The following CNTNAP4 variants were observed in gnomAD, a reference collection of about 807,000 sequenced individuals.
CNTNAP4 encodes contactin associated protein family member 4.
Under a neutral mutation model 148.4 loss-of-function variants are expected in CNTNAP4, and 98 were observed. That is an observed-to-expected ratio of 0.66 (90% CI 0.56 to 0.78). The LOEUF (loss-of-function observed/expected upper bound fraction) is 0.78, where lower values mean the gene tolerates loss of function less well. CNTNAP4 is among the 30% of genes least tolerant of loss of function. The pLI, the probability that CNTNAP4 is intolerant of heterozygous loss-of-function variation, is 0.00. For synonymous variants in CNTNAP4, 730 were observed against 565.1 expected (o/e 1.29, Z -4.14); for missense variants, 1,935 against 1,565.6 (o/e 1.24, Z -3.98).
At chr16:76,288,077 C>G (rs1958959471) in intron 1 of CNTNAP4, among the ~76,000 whole-genome samples, 1 of 152,004 alleles carries the variant, frequency 6.6e-6, no homozygotes, top group Non-Finnish European at 1.5e-5. Flanking sequence ...AAGGACAGGA[C>G]CAGGTGGAGA....
chr16:76,525,067 T>C (rs530893787), intron 17 of CNTNAP4, among the ~76,000 whole-genome samples: 6 of 152,074 alleles, frequency 3.9e-5, no homozygotes, highest in Non-Finnish European at 8.8e-5. Flanking sequence ...TCCACCAGAG[T>C]GAACTAGTCT....
At chr16:76,534,379 T>C (rs1012566638) in intron 17 of CNTNAP4, among the ~76,000 whole-genome samples, 1 of 152,228 alleles carries the variant, frequency 6.6e-6, no homozygotes, top group South Asian at 2.1e-4. Context: ...AGAGAATTTA[T>C]ATGTAAAGAG....
At chr16:76,553,556 T>C (rs2085060247) in intron 22 of CNTNAP4, 55 bp downstream of exon 22, 1 of 1,307,434 alleles carries the variant, frequency 7.6e-7, no homozygotes, top group East Asian at 2.5e-5. Context: ...CCATGGAATT[T>C]AGAAAACTTC....
At chr16:76,281,211 A>T (rs918687767) in intron 1 of CNTNAP4, among the ~76,000 whole-genome samples, 17 of 152,062 alleles carry the variant, frequency 1.1e-4, no homozygotes, top group Non-Finnish European at 1.8e-4. Flanking sequence ...AATTCTTTCT[A>T]GAAGCTACTT....
intron 3 of CNTNAP4, among the ~76,000 whole-genome samples, chr16:76,395,053 T>C (rs1911245): frequency 0.22 from 33,253 of 151,924 alleles, 4,595 homozygotes; most frequent in East Asian, 0.64. Context: ...GACAAAATTG[T>C]ATGTTTGAAA....
intron 3 of CNTNAP4, among the ~76,000 whole-genome samples, chr16:76,399,536 A>G (rs887583901): frequency 6.6e-6 from 1 of 152,150 alleles, no homozygotes; most frequent in Non-Finnish European, 1.5e-5. Flanking sequence ...GATTTTTGGA[A>G]CCCACAGGGA....
intron 15 of CNTNAP4, among the ~76,000 whole-genome samples, chr16:76,514,995 A>G (rs1040508132): frequency 6.6e-6 from 1 of 152,206 alleles, no homozygotes; most frequent in Non-Finnish European, 1.5e-5. Flanking sequence ...TTATATGCAT[A>G]TAAAATTTCC....
intron 1 of CNTNAP4, among the ~76,000 whole-genome samples, chr16:76,315,242 G>C (rs1364013273): frequency 6.6e-6 from 1 of 151,192 alleles, no homozygotes; most frequent in African/African-American, 2.4e-5. Flanking sequence ...ACAAATGCAA[G>C]CTCCTCTGAG....
intron 11 of CNTNAP4, among the ~76,000 whole-genome samples, chr16:76,478,489 C>T (rs1300871721): frequency 2.0e-5 from 3 of 152,108 alleles, no homozygotes; most frequent in African/African-American, 7.2e-5. Flanking sequence ...ACAAATTAGC[C>T]ATAGTATTTC....
intron 15 of CNTNAP4, among the ~76,000 whole-genome samples, chr16:76,504,885 C>G (rs1002162244): frequency 6.6e-6 from 1 of 152,086 alleles, no homozygotes; most frequent in African/African-American, 2.4e-5. Flanking sequence ...TAGGAGAATG[C>G]AAACTCGTAC....
chr16:76,336,472 C>A (rs531316557), intron 2 of CNTNAP4, among the ~76,000 whole-genome samples: 2 of 152,142 alleles, frequency 1.3e-5, no homozygotes, highest in African/African-American at 4.8e-5. Flanking sequence ...TAAACACTTA[C>A]CAGCATACCA....
intron 3 of CNTNAP4, among the ~76,000 whole-genome samples, chr16:76,409,546 A>G (rs947534215): frequency 2.6e-5 from 4 of 152,158 alleles, no homozygotes; most frequent in South Asian, 2.1e-4. Context: ...CACTGGCTGA[A>G]GTATAATTTC....
intron 3 of CNTNAP4, among the ~76,000 whole-genome samples, chr16:76,390,574 TA>T (rs10670094): frequency 1.5e-3 from 210 of 144,618 alleles, no homozygotes; most frequent in Admixed American, 1.7e-3. Flanking sequence ...AAATAACAGG[TA>T]AAAAAAAAAA....
In CNTNAP4 at chr16:76,449,700, A is replaced by G. The variant is rs375068105; in HGVS notation, c.928-15A>G. On this transcript the variant is annotated splice_polypyrimidine_tract_variant and intron_variant, in intron 6 of 23. Transcript: ENST00000611870. ...ATCACTAAACAATATTATTGATGCC[A>G]TTTTTCTTTCTAAGATCAGCTTTGG... 2.6e-6 allele frequency: 4 copies of G among 1,544,254 alleles called. No homozygotes were observed. The highest frequency in any genetic ancestry group is 8.7e-7 in the Non-Finnish European group (1 of 1,147,302).
intron 4 of CNTNAP4, among the ~76,000 whole-genome samples, chr16:76,436,404 A>T (rs1021676490): frequency 2.0e-5 from 3 of 152,086 alleles, no homozygotes; most frequent in African/African-American, 4.8e-5. Flanking sequence ...AACAGTAGAC[A>T]TGGCAAGGCT....
At chr16:76,397,466 C>T (rs993908861) in intron 3 of CNTNAP4, among the ~76,000 whole-genome samples, 1 of 151,686 alleles carries the variant, frequency 6.6e-6, no homozygotes, top group Non-Finnish European at 1.5e-5. Context: ...TGAAGGCATG[C>T]GACAGAGGGA....
At chr16:76,448,617 A>C (rs573936132) in intron 5 of CNTNAP4, 150 bp from the exon 6 acceptor site, 202 of 585,090 alleles carry the variant, frequency 3.5e-4, no homozygotes, top group Non-Finnish European at 5.1e-4. Flanking sequence ...ATTATATTGA[A>C]ACTTCGGGGA....
At chr16:76,533,171 A>G (rs773846811) in intron 17 of CNTNAP4, among the ~76,000 whole-genome samples, 3 of 152,190 alleles carry the variant, frequency 2.0e-5, no homozygotes, top group Non-Finnish European at 2.9e-5. Context: ...AAAGAATAAA[A>G]TCCTGTCACT....
intron 1 of CNTNAP4, among the ~76,000 whole-genome samples, chr16:76,285,891 G>C (rs1958860795): frequency 6.6e-6 from 1 of 151,792 alleles, no homozygotes; most frequent in Admixed American, 6.6e-5. Flanking sequence ...CCACCACAGA[G>C]ACCCCCACAT....
Sources: gnomAD v4.1 joint callset for allele counts (sites outside exome capture counted in the v4.1 genomes callset) on GRCh38, gnomAD v4.1.1 for gene constraint, MANE v1.5 for transcripts, NCBI Gene and HGNC (gene_info 2026-07-23, HGNC 2026-07-21) for gene names.